The following LRRC37A2 variants were observed in gnomAD, a reference collection of about 807,000 sequenced individuals.
LRRC37A2 encodes the protein leucine-rich repeat-containing protein 37A2.
Under a neutral mutation model 68.8 loss-of-function variants are expected in LRRC37A2, and 9 were observed. That is an observed-to-expected ratio of 0.13 (90% confidence interval 0.08 to 0.23). LRRC37A2 has a LOEUF of 0.23. Ranked by LOEUF, LRRC37A2 falls within the 10% of genes least tolerant of loss-of-function variation. The pLI, the probability that LRRC37A2 is intolerant of heterozygous loss-of-function variation, is 1.00. For synonymous variants in LRRC37A2, 63 were observed against 367.6 expected, an observed-to-expected ratio of 0.17 and a Z score of 9.48; for missense variants, 168 against 950.4, an observed-to-expected ratio of 0.18 and a Z score of 10.82.
At chr17:46,794,722 G>A in the LRRC37A2 span, among the ~76,000 whole-genome samples, 3 of 150,890 alleles carry the variant, frequency 2.0e-5, no homozygotes, top group African/African-American at 7.3e-5. Context: ...CAGCTTCCCA[G>A]GACTTTCTTT....
the LRRC37A2 span, among the ~76,000 whole-genome samples, chr17:47,044,936 CAG>C: frequency 6.7e-6 from 1 of 150,222 alleles, no homozygotes; most frequent in Non-Finnish European, 1.5e-5. Flanking sequence ...CACTTGAGCA[CAG>C]GAGGCAGAGG....
the LRRC37A2 span, chr17:46,932,259 C>G: frequency 2.5e-6 from 4 of 1,599,282 alleles, no homozygotes; most frequent in Non-Finnish European, 3.4e-6. Context: ...GGCTGGAGTT[C>G]AGATCTCTGA....
chr17:46,904,518 T>C, the LRRC37A2 span, among the ~76,000 whole-genome samples: 1 of 149,042 alleles, frequency 6.7e-6, no homozygotes, highest in African/African-American at 2.5e-5. Flanking sequence ...GGACGGATGA[T>C]GGATGGATGG....
the LRRC37A2 span, among the ~76,000 whole-genome samples, chr17:46,490,017 C>G: frequency 6.6e-6 from 1 of 150,726 alleles, no homozygotes; most frequent in Middle Eastern, 3.4e-3. Flanking sequence ...ATGGAGTCTT[C>G]CTTGCTTCTT....
the LRRC37A2 span, chr17:47,017,844 T>C: frequency 2.5e-6 from 4 of 1,610,678 alleles, no homozygotes; most frequent in African/African-American, 2.7e-5. Context: ...ACCTTCTCAA[T>C]TCCATCTAGA....
At chr17:46,635,263 CT>C in the LRRC37A2 span, among the ~76,000 whole-genome samples, 2 of 140,890 alleles carry the variant, frequency 1.4e-5, 1 homozygote, top group Non-Finnish European at 3.2e-5. Flanking sequence ...GGCTGGAGAA[CT>C]TAGACTTTGT....
At chr17:46,502,805 TGTCTG>T in the LRRC37A2 span, among the ~76,000 whole-genome samples, 4 of 151,340 alleles carry the variant, frequency 2.6e-5, no homozygotes, top group South Asian at 8.3e-4. Context: ...AGGTGACAAC[TGTCTG>T]TACCACCCAG....
chr17:46,919,028 C>G, the LRRC37A2 span, among the ~76,000 whole-genome samples: 1 of 152,116 alleles, frequency 6.6e-6, no homozygotes, highest in African/African-American at 2.4e-5. Context: ...ATTACTGTAC[C>G]CCACACTCAC....
At chr17:46,875,379 C>A in the LRRC37A2 span, 1 of 1,581,212 alleles carries the variant, frequency 6.3e-7, no homozygotes, top group Non-Finnish European at 8.6e-7. Flanking sequence ...GAGCATGTCC[C>A]TGGCTGCCCG....
the LRRC37A2 span, among the ~76,000 whole-genome samples, chr17:46,412,407 TC>T: frequency 1.8e-5 from 2 of 111,184 alleles, no homozygotes; most frequent in African/African-American, 2.9e-5. Flanking sequence ...CTCTGAAGGC[TC>T]TAGGGAAGAA....
At chr17:46,966,856 G>A in the LRRC37A2 span, 1 of 410,602 alleles carries the variant, frequency 2.4e-6, no homozygotes. Flanking sequence ...GGCATGTGAA[G>A]AGCCCTCTCT....
the LRRC37A2 span, among the ~76,000 whole-genome samples, chr17:47,016,164 C>T: frequency 9.9e-5 from 15 of 152,024 alleles, no homozygotes; most frequent in African/African-American, 2.2e-4. Flanking sequence ...AGGCTGGTCT[C>T]GAACTTCTGA....
At chr17:47,016,496 G>A in the LRRC37A2 span, among the ~76,000 whole-genome samples, 2 of 89,398 alleles carry the variant, frequency 2.2e-5, no homozygotes, top group Admixed American at 2.6e-4. Flanking sequence ...GAACACAGGT[G>A]ACCCTAGAAG....
chr17:46,479,728 C>G, the LRRC37A2 span, among the ~76,000 whole-genome samples: 7 of 105,214 alleles, frequency 6.7e-5, 2 homozygotes, highest in African/African-American at 2.4e-4. Context: ...AGGCTGGTCT[C>G]AAACCCCTGA....
At chr17:46,847,725 C>T in the LRRC37A2 span, among the ~76,000 whole-genome samples, 1 of 152,118 alleles carries the variant, frequency 6.6e-6, no homozygotes, top group African/African-American at 2.4e-5. Flanking sequence ...AGTTCATTTC[C>T]AGTGCAGTTT....
chr17:46,529,557 C>T (rs2145154542), intron 6 of LRRC37A2, among the ~76,000 whole-genome samples: 1 of 84,360 alleles, frequency 1.2e-5, no homozygotes, highest in Non-Finnish European at 3.0e-5. Flanking sequence ...CCTGTAATCC[C>T]AGCACTTTAA....
At chr17:47,034,494 G>A in the LRRC37A2 span, among the ~76,000 whole-genome samples, 1 of 152,112 alleles carries the variant, frequency 6.6e-6, no homozygotes. Context: ...TCAAGAAAGA[G>A]GGAAGGTTGG....
the LRRC37A2 span, among the ~76,000 whole-genome samples, chr17:46,494,001 T>C: frequency 5.3e-5 from 8 of 150,620 alleles, no homozygotes; most frequent in Non-Finnish European, 1.2e-4. Flanking sequence ...CATGCCACCA[T>C]GTGTGGCTAA....
At chr17:46,810,674 G>A in the LRRC37A2 span, among the ~76,000 whole-genome samples, 1 of 151,882 alleles carries the variant, frequency 6.6e-6, no homozygotes, top group African/African-American at 2.4e-5. Context: ...CCTTCCCTGA[G>A]ACCAGCTTTC....
Sources: gnomAD v4.1 joint callset for allele counts (sites outside exome capture counted in the v4.1 genomes callset) on GRCh38, gnomAD v4.1.1 for gene constraint, MANE v1.5 for transcripts, NCBI Gene and HGNC (gene_info 2026-07-23, HGNC 2026-07-21) for gene names.